Variants in COL4A2 observed in about 807,000 individuals in gnomAD.
The protein encoded by COL4A2 is collagen type IV alpha 2 chain, also known as collagen alpha-2(IV) chain.
COL4A2 carries 99 observed loss-of-function variants against 200.2 expected under a neutral mutation model. The ratio of observed to expected loss-of-function variants is 0.49; its 90% CI spans 0.42 to 0.58. COL4A2 has a LOEUF of 0.58. Among genes scored for constraint, COL4A2 ranks in the 20% least tolerant of loss-of-function variants. The probability of loss-of-function intolerance (pLI) is 0.00; values close to 1 mark genes in which losing one functional copy is unlikely to be tolerated. For synonymous variants in COL4A2, 897 were observed against 900.6 expected (o/e 1.00, Z 0.07); for missense variants, 1,950 against 2,314.1 (o/e 0.84, Z 3.23).
intron 3 of COL4A2, among the ~76,000 whole-genome samples, chr13:110,320,157 C>G (rs1344640834): frequency 1.3e-5 from 2 of 152,256 alleles, no homozygotes; most frequent in Non-Finnish European, 2.9e-5. Context: ...ACTGGGCTCT[C>G]CTTTTGCCAG....
Position 110,503,831 on chromosome 13 carries a change from T to C in COL4A2, c.4139-16T>C, listed in dbSNP as rs1883739189. On this transcript the variant is annotated splice_polypyrimidine_tract_variant and intron_variant, in intron 43 of 47. Transcript: ENST00000360467. Reference sequence around the variant, plus strand: ...GACCTTGTGTGTTTACTGGGGCCTCTCTGTTTCCCTTCCAGGTGCCCCCGG... The same window carrying C: ...GACCTTGTGTGTTTACTGGGGCCTCCCTGTTTCCCTTCCAGGTGCCCCCGG... 1 of 1,613,870 alleles carries C rather than the reference T, an allele frequency of 6.2e-7. No homozygotes were observed. Among genetic ancestry groups the C allele is most frequent in the Non-Finnish European group, 8.5e-7 (1 of 1,179,848 alleles).
intron 3 of COL4A2, among the ~76,000 whole-genome samples, chr13:110,347,557 C>G (rs760788162): frequency 1.3e-5 from 2 of 152,242 alleles, no homozygotes; most frequent in Non-Finnish European, 2.9e-5. Context: ...CCCTGCCTGC[C>G]ATCCCTCCAC....
intron 21 of COL4A2, chr13:110,458,319 T>C (rs7326779): frequency 0.55 from 196,729 of 355,822 alleles, 56,455 homozygotes; most frequent in Middle Eastern, 0.65. Context: ...AGGTCAGGCA[T>C]GTCTTCCCTG....
intron 4 of COL4A2, among the ~76,000 whole-genome samples, chr13:110,364,462 G>C (rs1161988690): frequency 6.6e-6 from 1 of 152,172 alleles, no homozygotes; most frequent in Admixed American, 6.5e-5. Flanking sequence ...GGCGAGTGGA[G>C]GAGGGGCCAG....
At chr13:110,458,142 C>T (rs749924628) in intron 21 of COL4A2, 95 of 470,416 alleles carry the variant, frequency 2.0e-4, no homozygotes, top group Non-Finnish European at 2.8e-4. Context: ...TTCAGCACCC[C>T]GCTGTGGATG....
Position 110,489,508 on chromosome 13 carries a change from G to A in COL4A2, c.3271G>A (p.Gly1091Ser), listed in dbSNP as rs766327197. 19 of 1,614,032 alleles carry A rather than the reference G, an allele frequency of 1.2e-5. No individual in the cohort carries two copies. The highest frequency in any genetic ancestry group is 1.6e-4 in the Middle Eastern group (1 of 6,084). Residue 1091 changes from glycine (G) to serine (S), a missense_variant and splice_region_variant, in exon 35 of 48, where the codon GGT becomes AGT. Coordinates refer to ENST00000360467, the MANE Select transcript of COL4A2 (RefSeq NM_001846.4). ...YGEIGATGDF[G>S]DIGDTINLPG... is the part of the protein sequence containing the mutation. ...CGAGATTGGCGCGACTGGTGATTTC[G>A]GTGAGTGTTGCCCGTCCAGTGAAAA...
intron 4 of COL4A2, among the ~76,000 whole-genome samples, chr13:110,386,632 G>A (rs1471367677): frequency 1.3e-5 from 2 of 152,162 alleles, no homozygotes; most frequent in Non-Finnish European, 2.9e-5. Context: ...GTAATACATT[G>A]ATATGTAATA....
intron 20 of COL4A2, chr13:110,456,855 G>A (rs1320242733): frequency 2.2e-6 from 1 of 465,074 alleles, no homozygotes; most frequent in Non-Finnish European, 4.4e-6. Flanking sequence ...TGGGGCTGAT[G>A]CCCTGCGTCT....
intron 18 of COL4A2, among the ~76,000 whole-genome samples, chr13:110,447,781 G>A (rs762494712): frequency 3.9e-5 from 6 of 152,166 alleles, no homozygotes; most frequent in Non-Finnish European, 8.8e-5. Flanking sequence ...GACAGGCATT[G>A]TGAAGGGTAG....
chr13:110,476,741 A>T (rs892429695), intron 29 of COL4A2, among the ~76,000 whole-genome samples: 1 of 152,234 alleles, frequency 6.6e-6, no homozygotes, highest in African/African-American at 2.4e-5. Flanking sequence ...GAGAGGGGGA[A>T]ATGCCTGAAT....
At chr13:110,438,061 C>T in intron 14 of COL4A2, 24 bp downstream of exon 14, 1 of 1,608,912 alleles carries the variant, frequency 6.2e-7, no homozygotes, top group East Asian at 2.2e-5. Context: ...TGAGCATGCC[C>T]CCTCCCCTGT....
chr13:110,323,127 T>C (rs1885318492), intron 3 of COL4A2, among the ~76,000 whole-genome samples: 1 of 152,204 alleles, frequency 6.6e-6, no homozygotes, highest in Non-Finnish European at 1.5e-5. Context: ...CTATGAAAAC[T>C]TGCAGCTGAT....
At chr13:110,439,900 G>A in intron 16 of COL4A2, 67 bp downstream of exon 16, 1 of 1,550,936 alleles carries the variant, frequency 6.4e-7, no homozygotes, top group African/African-American at 1.4e-5. Flanking sequence ...TAAATAAATA[G>A]GCCTTGGCAT....
intron 3 of COL4A2, among the ~76,000 whole-genome samples, chr13:110,323,403 CT>C (rs1191349083): frequency 1.3e-5 from 2 of 152,218 alleles, no homozygotes; most frequent in African/African-American, 4.8e-5. Context: ...AGGGCCCCCC[CT>C]GTGGAAGCTG....
intron 4 of COL4A2, among the ~76,000 whole-genome samples, chr13:110,388,308 C>T (rs1046593063): frequency 2.0e-5 from 3 of 152,196 alleles, no homozygotes; most frequent in Admixed American, 6.5e-5. Context: ...ACTGGGAGCA[C>T]GCTGGTGACT....
chr13:110,350,010 G>A (rs541696483), intron 3 of COL4A2, among the ~76,000 whole-genome samples: 158 of 152,196 alleles, frequency 1.0e-3, no homozygotes, highest in Non-Finnish European at 1.7e-3. Flanking sequence ...GTGATCCACC[G>A]CCTAGGCCTC....
intron 4 of COL4A2, among the ~76,000 whole-genome samples, chr13:110,384,529 G>A (rs956262160): frequency 5.3e-5 from 8 of 152,172 alleles, no homozygotes; most frequent in Admixed American, 5.2e-4. Context: ...CTCCAACAAG[G>A]CCACCGTCCA....
intron 4 of COL4A2, among the ~76,000 whole-genome samples, chr13:110,400,593 A>T (rs1056604478): frequency 3.9e-5 from 6 of 152,250 alleles, no homozygotes; most frequent in Non-Finnish European, 5.9e-5. Flanking sequence ...CAGAAAAATT[A>T]CTATGATGAC....
Position 110,397,807 on chromosome 13 carries a change from A to T in COL4A2, c.181-26927A>T, listed in dbSNP as rs373964343. 5.9e-5 allele frequency among the ~76,000 whole-genome samples: 9 copies of T among 152,352 alleles called. No individual in the cohort carries two copies. The East Asian group carries it at 1.7e-3, about 29-fold the overall frequency. The stretch of plus-strand genomic sequence containing the variant: ...TTGGGGGCTGTGAGAGGACACTCAG[A>T]AGAAGGCTTTTACACCATATTTTAT... On this transcript the variant is annotated intron_variant, in intron 4 of 47. Transcript: ENST00000360467.
Sources: allele counts gnomAD v4.1 joint callset (sites outside exome capture counted in the v4.1 genomes callset), GRCh38; gene constraint gnomAD v4.1.1; transcripts MANE v1.5; gene names NCBI Gene and HGNC (gene_info 2026-07-23, HGNC 2026-07-21).